THSD4: variants seen among roughly 807,000 people sequenced by gnomAD.
The protein encoded by THSD4 is thrombospondin type 1 domain containing 4.
A neutral mutation model predicts 119.0 loss-of-function variants in THSD4; 69 were observed. The observed-to-expected ratio is 0.58, with a 90% confidence interval of 0.48 to 0.71. THSD4 has a LOEUF of 0.71. Among genes scored for constraint, THSD4 ranks in the 30% least tolerant of loss-of-function variants. The probability of loss-of-function intolerance (pLI) is 0.00; values close to 1 mark genes in which losing one functional copy is unlikely to be tolerated. For missense variants in THSD4, 1,393 were observed against 1,391.1 expected (o/e 1.00, Z -0.02); for synonymous variants, 524 against 540.4 (o/e 0.97, Z 0.42).
At chr15:71,523,676 C>G (rs149699526) in intron 7 of THSD4, among the ~76,000 whole-genome samples, 1 of 151,948 alleles carries the variant, frequency 6.6e-6, no homozygotes, top group Non-Finnish European at 1.5e-5. Context: ...AAATAAGGAA[C>G]GACCACAGCA....
intron 7 of THSD4, among the ~76,000 whole-genome samples, chr15:71,471,007 TTTG>T (rs1159462488): frequency 3.0e-4 from 46 of 152,248 alleles, no homozygotes; most frequent in Admixed American, 2.7e-3. Context: ...GCTATTTCTT[TTTG>T]TTGTTGTTTG....
intron 9 of THSD4, chr15:71,729,516 T>A (rs528937350): frequency 6.6e-6 from 1 of 152,198 alleles, no homozygotes; most frequent in Non-Finnish European, 1.5e-5. Flanking sequence ...ATATTATTAA[T>A]TGCATTGTCA....
intron 10 of THSD4, among the ~76,000 whole-genome samples, chr15:71,736,425 CTGTCTT>C (rs910129997): frequency 8.6e-5 from 13 of 151,596 alleles, no homozygotes; most frequent in African/African-American, 3.2e-4. Flanking sequence ...CGCTCTCTTG[CTGTCTT>C]TGTCTCTCTC....
intron 8 of THSD4, among the ~76,000 whole-genome samples, chr15:71,673,631 C>G (rs2051578444): frequency 6.6e-6 from 1 of 152,178 alleles, no homozygotes; most frequent in Admixed American, 6.5e-5. Context: ...GCATTTAGTG[C>G]TATAAATTTC....
intron 6 of THSD4, among the ~76,000 whole-genome samples, chr15:71,347,411 C>T (rs1382307484): frequency 6.6e-6 from 1 of 152,190 alleles, no homozygotes; most frequent in Non-Finnish European, 1.5e-5. Context: ...TGGGCCACTG[C>T]CAGATGGACA....
intron 7 of THSD4, among the ~76,000 whole-genome samples, chr15:71,646,591 T>G (rs1340355561): frequency 6.6e-6 from 1 of 152,264 alleles, no homozygotes; most frequent in African/African-American, 2.4e-5. Context: ...AAACATAATA[T>G]GCATTGAGTT....
intron 7 of THSD4, among the ~76,000 whole-genome samples, chr15:71,571,253 C>T (rs1335005150): frequency 1.3e-5 from 2 of 151,538 alleles, no homozygotes. Context: ...GCCCAAAAAT[C>T]ACATGGACAC....
At chr15:71,296,016 A>G (rs2044857834) in intron 6 of THSD4, among the ~76,000 whole-genome samples, 1 of 152,226 alleles carries the variant, frequency 6.6e-6, no homozygotes, top group Admixed American at 6.5e-5. Context: ...TTGCTCAATA[A>G]TATGGCAATT....
chr15:71,108,057 C>G (rs1344090), intron 1 of THSD4, among the ~76,000 whole-genome samples: 34,072 of 152,226 alleles, frequency 0.22, 4,915 homozygotes, highest in African/African-American at 0.42. Flanking sequence ...GCTCCTCTGC[C>G]TCCTCTGATG....
intron 6 of THSD4, among the ~76,000 whole-genome samples, chr15:71,349,099 A>G (rs923298353): frequency 6.6e-6 from 1 of 151,990 alleles, no homozygotes; most frequent in African/African-American, 2.4e-5. Context: ...GAAAACCAGG[A>G]CAGGAGCAAG....
intron 15 of THSD4, among the ~76,000 whole-genome samples, chr15:71,761,885 G>A (rs1336516664): frequency 1.3e-5 from 2 of 152,160 alleles, no homozygotes; most frequent in Admixed American, 6.5e-5. Flanking sequence ...GGCACAGTCA[G>A]GCCAGCCCGG....
intron 7 of THSD4, among the ~76,000 whole-genome samples, chr15:71,554,045 G>A (rs962812298): frequency 2.0e-5 from 3 of 150,652 alleles, no homozygotes; most frequent in African/African-American, 7.3e-5. Context: ...CTTTTTGTAT[G>A]CTTTGAAACA....
intron 8 of THSD4, among the ~76,000 whole-genome samples, chr15:71,685,303 G>A (rs2051884503): frequency 6.6e-6 from 1 of 151,062 alleles, no homozygotes; most frequent in African/African-American, 2.4e-5. Context: ...TTCATCTCAG[G>A]ACCCTTTTCT....
chr15:71,752,227 T>C (rs534560998), intron 14 of THSD4, among the ~76,000 whole-genome samples: 20 of 152,222 alleles, frequency 1.3e-4, no homozygotes, highest in Non-Finnish European at 2.5e-4. Context: ...GTCTCCCACA[T>C]TTATTTAGAA....
At chr15:71,514,869 G>A (rs1430085477) in intron 7 of THSD4, among the ~76,000 whole-genome samples, 1 of 151,932 alleles carries the variant, frequency 6.6e-6, no homozygotes, top group Non-Finnish European at 1.5e-5. Flanking sequence ...AATTTCTATT[G>A]GATACATAAC....
intron 7 of THSD4, among the ~76,000 whole-genome samples, chr15:71,485,867 CAA>C (rs2047808451): frequency 2.0e-5 from 3 of 152,154 alleles, no homozygotes; most frequent in Admixed American, 1.3e-4. Context: ...AGCCCAGTGA[CAA>C]GTTTGTTTTT....
chr15:71,352,091 A>G (rs1417136456), intron 6 of THSD4, among the ~76,000 whole-genome samples: 1 of 152,184 alleles, frequency 6.6e-6, no homozygotes, highest in Non-Finnish European at 1.5e-5. Flanking sequence ...AAAAGAAAAG[A>G]CTGCCATGTC....
At chr15:71,588,367 G>A (rs1255084147) in intron 7 of THSD4, among the ~76,000 whole-genome samples, 1 of 151,264 alleles carries the variant, frequency 6.6e-6, no homozygotes, top group African/African-American at 2.4e-5. Flanking sequence ...AAGATTAGGA[G>A]GAAATATCAT....
chr15:71,252,002 CCCTCCCTCTTT>C (rs1278673844), intron 5 of THSD4, among the ~76,000 whole-genome samples: 1 of 152,176 alleles, frequency 6.6e-6, no homozygotes, highest in Non-Finnish European at 1.5e-5. Context: ...GTGGAAACAT[CCCTCCCTCTTT>C]TGGGTGGGAG....
Sources: allele counts gnomAD v4.1 joint callset (sites outside exome capture counted in the v4.1 genomes callset), GRCh38; gene constraint gnomAD v4.1.1; transcripts MANE v1.5; gene names NCBI Gene and HGNC (gene_info 2026-07-23, HGNC 2026-07-21).